SORBS2: variants seen among roughly 807,000 people sequenced by gnomAD.
SORBS2 encodes sorbin and SH3 domain-containing protein 2.
In SORBS2, 46 loss-of-function variants were observed where a neutral mutation model predicts 97.7. The ratio of observed to expected loss-of-function variants is 0.47; its 90% confidence interval spans 0.37 to 0.60. The LOEUF is 0.60. Ranked by LOEUF, SORBS2 falls within the 20% of genes least tolerant of loss-of-function variation. SORBS2 has a pLI of 0.00. For missense variants in SORBS2, 1,316 were observed against 1,282.3 expected, an observed-to-expected ratio of 1.03 and a Z score of -0.40; for synonymous variants, 476 against 473.4, an observed-to-expected ratio of 1.01 and a Z score of -0.07.
intron 1 of SORBS2, among the ~76,000 whole-genome samples, chr4:185,786,767 GC>G (rs2099057897): frequency 6.6e-6 from 1 of 152,128 alleles, no homozygotes; most frequent in Non-Finnish European, 1.5e-5. Context: ...TTCAAGACCA[GC>G]CTGGCCAACA....
intron 1 of SORBS2, among the ~76,000 whole-genome samples, chr4:185,784,852 C>G (rs2099048623): frequency 1.3e-5 from 2 of 152,170 alleles, no homozygotes; most frequent in South Asian, 4.2e-4. Context: ...CCTAATGGAG[C>G]AAAATCTGCC....
At position 185,894,767 on chromosome 4, in the gene SORBS2, C is replaced by T. The variant is rs142987059; in HGVS notation, c.-338+61429G>A. ...GTCCCCACAAAAGAACAAAACACACCATCATCCCAGATGATGCAACCCACT... is the reference window on the plus strand; with the variant it reads ...GTCCCCACAAAAGAACAAAACACACTATCATCCCAGATGATGCAACCCACT... On this transcript the variant is annotated intron_variant, in intron 1 of 20. Coordinates refer to the SORBS2 transcript ENST00000284776. Among the ~76,000 whole-genome samples the T allele has an allele frequency of 1.2e-4, 19 of 152,360 alleles. No individual in the cohort carries two copies. The East Asian group carries it at 3.5e-3, about 28-fold the overall frequency.
At chr4:185,619,940 T>C (rs1462621008) in intron 8 of SORBS2, 123 bp downstream of exon 20, 16 of 731,736 alleles carry the variant, frequency 2.2e-5, no homozygotes, top group Non-Finnish European at 3.8e-5. Context: ...AAATTGTTTC[T>C]AGTTTCTCAG....
intron 1 of SORBS2, among the ~76,000 whole-genome samples, chr4:185,901,264 C>G (rs530371807): frequency 6.6e-6 from 1 of 151,960 alleles, no homozygotes; most frequent in Admixed American, 6.6e-5. Context: ...AGTGCAATGG[C>G]ACAATCTCGG....
At chr4:185,632,810 T>G (rs1388005958) in intron 4 of SORBS2, among the ~76,000 whole-genome samples, 3 of 152,218 alleles carry the variant, frequency 2.0e-5, no homozygotes, top group Non-Finnish European at 4.4e-5. Flanking sequence ...GAAACTACTA[T>G]TTCTCCTTGT....
chr4:185,594,404 C>G (rs1185481879), intron 12 of SORBS2, among the ~76,000 whole-genome samples: 1 of 152,190 alleles, frequency 6.6e-6, no homozygotes, highest in Non-Finnish European at 1.5e-5. Flanking sequence ...AACATTTTCA[C>G]ATACAGCACA....
At chr4:185,736,476 G>A (rs1260552753) in intron 2 of SORBS2, among the ~76,000 whole-genome samples, 1 of 152,214 alleles carries the variant, frequency 6.6e-6, no homozygotes, top group Non-Finnish European at 1.5e-5. Flanking sequence ...TCCAGAGAAA[G>A]TAGGAAGAGA....
intron 2 of SORBS2, among the ~76,000 whole-genome samples, chr4:185,762,228 C>T (rs1224770942): frequency 1.3e-5 from 2 of 152,120 alleles, no homozygotes; most frequent in Non-Finnish European, 2.9e-5. Flanking sequence ...AACTGGGTGG[C>T]ACCATCGTCA....
intron 12 of SORBS2, 76 bp from the exon 25 acceptor site, chr4:185,594,011 G>GTACTT: frequency 1.0e-6 from 1 of 962,416 alleles, no homozygotes; most frequent in Non-Finnish European, 1.6e-6. Flanking sequence ...TAATGGCATG[G>GTACTT]TACTTTTCTT....
At chr4:185,897,674 C>G (rs996889638) in intron 1 of SORBS2, among the ~76,000 whole-genome samples, 1 of 152,176 alleles carries the variant, frequency 6.6e-6, no homozygotes, top group Non-Finnish European at 1.5e-5. Context: ...CCACAGCCTA[C>G]AACAGGTATA....
chr4:185,689,625 G>A (rs1310509287), intron 2 of SORBS2, among the ~76,000 whole-genome samples: 2 of 152,108 alleles, frequency 1.3e-5, no homozygotes, highest in Admixed American at 6.5e-5. Context: ...AGGCCACTAC[G>A]GCACATGGCA....
intron 1 of SORBS2, among the ~76,000 whole-genome samples, chr4:185,828,909 A>G (rs1002032079): frequency 2.6e-5 from 4 of 152,302 alleles, no homozygotes; most frequent in South Asian, 2.1e-4. Context: ...GACTTCTCCA[A>G]GTGTGGCTGG....
Position 185,758,741 on chromosome 4 carries a change from A to C in SORBS2, c.-198+16486T>G, listed in dbSNP as rs145899950. Among the ~76,000 whole-genome samples, 153 of 152,226 alleles carry C rather than the reference A, an allele frequency of 1.0e-3. 1 individual carries two copies. Among genetic ancestry groups the C allele is most frequent in the Middle Eastern group, 6.8e-3 (2 of 294 alleles). On this transcript the variant is annotated intron_variant, in intron 2 of 20. Transcript: ENST00000284776. Reference sequence around the variant, plus strand: ...CCCTTTCTTTCTCTTGGTTGCAGCTATCCTGGCCTCCTTGCTGTGCCTCAT... The same window carrying C: ...CCCTTTCTTTCTCTTGGTTGCAGCTCTCCTGGCCTCCTTGCTGTGCCTCAT...
rs138639001 is a variant in SORBS2 at position 185,621,536 on chromosome 4, A to G, written c.2215+1378T>C. 2.6e-5 allele frequency among the ~76,000 whole-genome samples: 4 copies of G among 152,306 alleles called. No homozygotes were observed. In the East Asian group the frequency reaches 7.7e-4, roughly 29 times the overall value. On this transcript the variant is annotated intron_variant, in intron 7 of 14. Coordinates refer to ENST00000418609, the Ensembl canonical transcript of SORBS2. ...AAAAATGAGATTCTGACACATTTCA[A>G]TTAGTGAAAATTTTGAATTGTAGAA... is the stretch of plus-strand genomic sequence containing the variant.
intron 2 of SORBS2, among the ~76,000 whole-genome samples, chr4:185,748,745 C>G (rs1374768254): frequency 6.6e-6 from 1 of 152,198 alleles, no homozygotes; most frequent in Non-Finnish European, 1.5e-5. Context: ...TTGGATAGTT[C>G]AAGTAGTATA....
intron 1 of SORBS2, among the ~76,000 whole-genome samples, chr4:185,791,498 A>C (rs1323098808): frequency 2.0e-5 from 3 of 152,178 alleles, no homozygotes; most frequent in Non-Finnish European, 4.4e-5. Flanking sequence ...ATGGACGTAC[A>C]AAGCCAGCCA....
At chr4:185,819,988 T>C (rs1327278255) in intron 1 of SORBS2, among the ~76,000 whole-genome samples, 1 of 152,218 alleles carries the variant, frequency 6.6e-6, no homozygotes, top group African/African-American at 2.4e-5. Context: ...ATTATCTAAT[T>C]CTGAGGGCGG....
intron 4 of SORBS2, among the ~76,000 whole-genome samples, chr4:185,669,343 C>T (rs1055049254): frequency 3.3e-5 from 5 of 152,206 alleles, no homozygotes; most frequent in African/African-American, 1.2e-4. Context: ...TGACCCATAT[C>T]CTTTGCCTTG....
intron 1 of SORBS2, among the ~76,000 whole-genome samples, chr4:185,937,706 G>T (rs1247155612): frequency 6.6e-6 from 1 of 152,084 alleles, no homozygotes; most frequent in Admixed American, 6.6e-5. Flanking sequence ...TTAGCTGGAA[G>T]TGGAGGGGAG....
Sources: allele counts gnomAD v4.1 joint callset (sites outside exome capture counted in the v4.1 genomes callset), GRCh38; gene constraint gnomAD v4.1.1; transcripts MANE v1.5; gene names NCBI Gene and HGNC (gene_info 2026-07-23, HGNC 2026-07-21).